The following SLCO6A1 variants were observed in gnomAD, a reference collection of about 807,000 sequenced individuals.
SLCO6A1 encodes cancer/testis antigen 48.
In SLCO6A1, 65 loss-of-function variants were observed where a neutral mutation model predicts 72.7. That is an observed-to-expected ratio of 0.89 (90% CI 0.73 to 1.10). The LOEUF is 1.10. Among genes scored for constraint, SLCO6A1 ranks in the 50% least tolerant of loss-of-function variants. SLCO6A1 has a pLI of 0.00. For missense variants in SLCO6A1, 874 were observed against 872.6 expected, an observed-to-expected ratio of 1.00 and a Z score of -0.02; for synonymous variants, 314 against 298.2, an observed-to-expected ratio of 1.05 and a Z score of -0.55.
intron 4 of SLCO6A1, among the ~76,000 whole-genome samples, chr5:102,473,555 G>T (rs1202928272): frequency 6.6e-6 from 1 of 151,852 alleles, no homozygotes; most frequent in African/African-American, 2.4e-5. Context: ...CTAAGATCAG[G>T]AACAAGTCCA....
chr5:102,491,348 G>A (rs925592243), intron 1 of SLCO6A1, among the ~76,000 whole-genome samples: 1 of 152,358 alleles, frequency 6.6e-6, no homozygotes, highest in African/African-American at 2.4e-5. Context: ...CCCCTACCGG[G>A]GCCGCAGGTG....
At chr5:102,454,577 C>T (rs1411077779) in intron 6 of SLCO6A1, among the ~76,000 whole-genome samples, 1 of 151,876 alleles carries the variant, frequency 6.6e-6, no homozygotes, top group African/African-American at 2.4e-5. Flanking sequence ...AAGATTGTTA[C>T]CAGGCATTAT....
intron 12 of SLCO6A1, among the ~76,000 whole-genome samples, chr5:102,383,158 G>T (rs972505069): frequency 4.1e-5 from 6 of 144,602 alleles, no homozygotes; most frequent in Admixed American, 1.4e-4. Flanking sequence ...AAACTATTTT[G>T]CTTCCTGCTT....
chr5:102,438,884 A>G, intron 6 of SLCO6A1, 123 bp from the exon 7 acceptor site: 2 of 509,130 alleles, frequency 3.9e-6, no homozygotes, highest in East Asian at 3.5e-5. Flanking sequence ...CTGAAAAGAT[A>G]ATTGATAGAT....
intron 12 of SLCO6A1, among the ~76,000 whole-genome samples, chr5:102,380,845 G>A (rs1255311289): frequency 2.0e-5 from 3 of 151,910 alleles, no homozygotes; most frequent in African/African-American, 4.8e-5. Context: ...CGTATTAAGA[G>A]CTATCTTCAG....
At chr5:102,479,167 CGT>C (rs1440881128) in intron 2 of SLCO6A1, among the ~76,000 whole-genome samples, 1 of 152,038 alleles carries the variant, frequency 6.6e-6, no homozygotes, top group Non-Finnish European at 1.5e-5. Flanking sequence ...TTGCTGTTCT[CGT>C]GATAGTGAGT....
chr5:102,433,096 T>C (rs1316036807), intron 7 of SLCO6A1, among the ~76,000 whole-genome samples: 17 of 152,220 alleles, frequency 1.1e-4, no homozygotes, highest in Admixed American at 1.1e-3. Flanking sequence ...TATGAAATTC[T>C]CATAGTGTGT....
At chr5:102,417,161 A>C (rs1193429395) in intron 8 of SLCO6A1, among the ~76,000 whole-genome samples, 5 of 152,106 alleles carry the variant, frequency 3.3e-5, no homozygotes, top group African/African-American at 1.2e-4. Flanking sequence ...GTTATACTCC[A>C]GCTTTCTTTT....
intron 6 of SLCO6A1, among the ~76,000 whole-genome samples, chr5:102,450,966 G>A (rs962030937): frequency 6.6e-6 from 1 of 152,172 alleles, no homozygotes; most frequent in African/African-American, 2.4e-5. Flanking sequence ...GGGGCTGTGA[G>A]TTGTCTCTGG....
Position 102,399,546 on chromosome 5 carries a change from T to G in SLCO6A1, c.1814+9A>C, listed in dbSNP as rs201566794. ...AAATAAACAATAATAATGAGTAATA[T>G]ATACATACCGCGTCATGGCCAAGAC... On this transcript the variant is annotated intron_variant, in intron 10 of 13. Coordinates refer to ENST00000506729, the MANE Select transcript of SLCO6A1 (RefSeq NM_173488.5). 1.6e-5 allele frequency: 24 copies of G among 1,481,882 alleles called. No homozygotes were observed. The highest frequency in any genetic ancestry group is 4.6e-5 in the South Asian group (3 of 64,852). 91.8% of individuals were successfully genotyped at this position (1,481,882 alleles called of 1,614,324 possible).
intron 8 of SLCO6A1, among the ~76,000 whole-genome samples, chr5:102,413,362 A>G (rs1261152638): frequency 6.6e-6 from 1 of 152,084 alleles, no homozygotes. Context: ...CACCAAAATC[A>G]TGCCAACAAA....
intron 1 of SLCO6A1, among the ~76,000 whole-genome samples, chr5:102,483,223 C>A (rs1218923858): frequency 2.0e-5 from 3 of 152,198 alleles, no homozygotes; most frequent in Non-Finnish European, 4.4e-5. Context: ...TATGGAGAGA[C>A]TCACCACTTA....
At position 102,399,758 on chromosome 5, in the gene SLCO6A1, A is replaced by G; in HGVS notation, c.1627-16T>C. Reference sequence around the variant, plus strand: ...TGTAGTACATCTGTGAGTATTGAAGACAGGAAACAATCTTTCAGAAAAATA... The same window carrying G: ...TGTAGTACATCTGTGAGTATTGAAGGCAGGAAACAATCTTTCAGAAAAATA... On this transcript the variant is annotated splice_polypyrimidine_tract_variant and intron_variant, in intron 9 of 13. Coordinates refer to ENST00000506729, the MANE Select transcript of SLCO6A1 (RefSeq NM_173488.5). The G allele has an allele frequency of 6.7e-7, 1 of 1,485,134 alleles. No individual in the cohort carries two copies. The highest frequency in any genetic ancestry group is 2.3e-5 in the East Asian group (1 of 43,012). 92.0% of individuals were successfully genotyped at this position (1,485,134 alleles called of 1,614,324 possible).
intron 1 of SLCO6A1, among the ~76,000 whole-genome samples, chr5:102,482,961 C>T (rs1178806841): frequency 6.6e-6 from 1 of 152,148 alleles, no homozygotes; most frequent in Non-Finnish European, 1.5e-5. Context: ...TTCCTGGTAG[C>T]AAGGCAGGCA....
chr5:102,473,245 T>A (rs1751721816), intron 4 of SLCO6A1, among the ~76,000 whole-genome samples: 1 of 152,002 alleles, frequency 6.6e-6, no homozygotes, highest in Non-Finnish European at 1.5e-5. Context: ...GCAAATTGAA[T>A]GTAACAACAT....
At chr5:102,466,913 A>G (rs77512434) in intron 4 of SLCO6A1, among the ~76,000 whole-genome samples, 4,068 of 152,224 alleles carry the variant, frequency 0.027, 65 homozygotes, top group South Asian at 0.045. Context: ...GATGCTGGAT[A>G]TTAGACCTTA....
chr5:102,425,280 C>A (rs1343799565), intron 7 of SLCO6A1, among the ~76,000 whole-genome samples: 1 of 152,032 alleles, frequency 6.6e-6, no homozygotes, highest in Non-Finnish European at 1.5e-5. Flanking sequence ...GGTGATTAGG[C>A]AAGAGAAAGA....
At chr5:102,392,155 G>T (rs960134643) in intron 10 of SLCO6A1, among the ~76,000 whole-genome samples, 1 of 151,852 alleles carries the variant, frequency 6.6e-6, no homozygotes, top group Non-Finnish European at 1.5e-5. Flanking sequence ...ACAGTATTTT[G>T]TAATATTTTG....
Position 102,480,404 on chromosome 5 carries a change from A to G in SLCO6A1, c.389T>C (p.Ile130Thr), listed in dbSNP as rs777738453. ...GVVFGLIDVS[I>T]GDFQKEYQLK... is the part of the protein sequence containing the mutation. ...TTGATATTCCTTCTGAAAATCGCCA[A>G]TGCTGACATCTATAAGACCAAACAC... Residue 130 changes from isoleucine (I) to threonine (T), a missense_variant, in exon 2 of 14, where the codon ATT becomes ACT. Physicochemically the swap from Ile to Thr is moderately conservative, Grantham distance 89. Transcript: ENST00000506729. 6.8e-5 allele frequency: 109 copies of G among 1,613,482 alleles called. No individual in the cohort carries two copies. The highest frequency in any genetic ancestry group is 5.0e-4 in the Middle Eastern group (3 of 6,050).
Sources: gnomAD v4.1 joint callset for allele counts (sites outside exome capture counted in the v4.1 genomes callset) on GRCh38, gnomAD v4.1.1 for gene constraint, MANE v1.5 for transcripts, NCBI Gene and HGNC (gene_info 2026-07-23, HGNC 2026-07-21) for gene names.